The following CRACDL variants were observed in gnomAD, a reference collection of about 807,000 sequenced individuals.
CRACDL encodes CRACD-like protein.
CRACDL carries 26 observed loss-of-function variants against 70.6 expected under a neutral mutation model. The ratio of observed to expected loss-of-function variants is 0.37; its 90% CI spans 0.27 to 0.51. The LOEUF is 0.51. CRACDL is among the 20% of genes least tolerant of loss of function. The pLI is 0.94. For synonymous variants in CRACDL, 618 were observed against 615.2 expected (o/e 1.00, Z -0.07); for missense variants, 1,283 against 1,376.9 (o/e 0.93, Z 1.08).
At chr2:98,843,252 T>G (rs1032950075) in intron 2 of CRACDL, among the ~76,000 whole-genome samples, 5 of 152,216 alleles carry the variant, frequency 3.3e-5, no homozygotes, top group Non-Finnish European at 7.3e-5. Flanking sequence ...GTTATTTGTT[T>G]TCTTATTTTT....
At chr2:98,831,846 C>T (rs1354150988) in intron 5 of CRACDL, among the ~76,000 whole-genome samples, 1 of 152,132 alleles carries the variant, frequency 6.6e-6, no homozygotes. Flanking sequence ...TGCTTGTCAA[C>T]CTTTCCCTGC....
At chr2:98,916,336 G>A (rs1221088934) in intron 1 of CRACDL, among the ~76,000 whole-genome samples, 2 of 152,180 alleles carry the variant, frequency 1.3e-5, no homozygotes, top group Non-Finnish European at 2.9e-5. Context: ...GCCCTACAGG[G>A]GATCTGGGGA....
chr2:98,825,388 G>A (rs1705259409), intron 6 of CRACDL, among the ~76,000 whole-genome samples: 1 of 152,158 alleles, frequency 6.6e-6, no homozygotes, highest in African/African-American at 2.4e-5. Context: ...TCTACAAAGT[G>A]GGATTCAAGA....
At chr2:98,806,296 A>T (rs1704289331) in intron 7 of CRACDL, among the ~76,000 whole-genome samples, 1 of 152,268 alleles carries the variant, frequency 6.6e-6, no homozygotes, top group Admixed American at 6.5e-5. Context: ...AAGAAAAAAC[A>T]ATCGTTGAGT....
intron 9 of CRACDL, among the ~76,000 whole-genome samples, chr2:98,795,078 T>TATATATATA (rs1461039601): frequency 1.6e-4 from 3 of 18,264 alleles, no homozygotes; most frequent in Non-Finnish European, 1.7e-4. Flanking sequence ...TATATATATA[T>TATATATATA]TTTTTTTTTT....
intron 5 of CRACDL, among the ~76,000 whole-genome samples, chr2:98,828,050 G>A (rs1395274111): frequency 6.6e-6 from 1 of 152,200 alleles, no homozygotes; most frequent in Admixed American, 6.5e-5. Context: ...ACTTCAGCAC[G>A]GAAGAACTGA....
chr2:98,821,951 C>G lies in CRACDL; in HGVS notation c.2322G>C (p.Pro774=). The G allele has an allele frequency of 6.4e-7, 1 of 1,552,464 alleles. No homozygotes were observed. Among genetic ancestry groups the G allele is most frequent in the Non-Finnish European group, 8.7e-7 (1 of 1,151,716 alleles). ...CGGCGTCGGGGGGCGCGGGCTGGTG[C>G]GGGAGCGTGAAGCTCTGCAGAAGCG... ...RKPLLQSFTL[P]HQPAPPDAGP... Residue 774 remains proline, a synonymous_variant, in exon 7 of 10, where the codon CCG becomes CCC. Coordinates refer to ENST00000397899, the MANE Select transcript of CRACDL (RefSeq NM_207362.3).
At chr2:98,803,593 C>T (rs1704171567) in intron 7 of CRACDL, among the ~76,000 whole-genome samples, 1 of 152,170 alleles carries the variant, frequency 6.6e-6, no homozygotes, top group Non-Finnish European at 1.5e-5. Flanking sequence ...GCTGTGTGAA[C>T]ACTTCATACT....
At chr2:98,916,693 AT>A (rs1322250616) in intron 1 of CRACDL, among the ~76,000 whole-genome samples, 5 of 151,568 alleles carry the variant, frequency 3.3e-5, no homozygotes, top group African/African-American at 4.9e-5. Flanking sequence ...ATTATCCTGA[AT>A]TTTTTTTCTT....
intron 4 of CRACDL, 82 bp downstream of exon 4, chr2:98,832,780 T>C (rs1317215035): frequency 6.4e-7 from 1 of 1,559,798 alleles, no homozygotes; most frequent in Non-Finnish European, 8.8e-7. Flanking sequence ...GCATATCAAA[T>C]AAACCAAGCA....
At chr2:98,889,319 GAAAGA>G (rs1210284837) in intron 1 of CRACDL, among the ~76,000 whole-genome samples, 2 of 83,348 alleles carry the variant, frequency 2.4e-5, no homozygotes, top group Admixed American at 2.4e-4. Context: ...AAGAAAGAAA[GAAAGA>G]AAGAAAGAAA....
At chr2:98,832,838 C>A in intron 4 of CRACDL, 24 bp downstream of exon 4, 4 of 1,612,772 alleles carry the variant, frequency 2.5e-6, no homozygotes, top group Middle Eastern at 1.7e-4. Flanking sequence ...GCACACCAGG[C>A]GACATGACCA....
chr2:98,822,014 G>C lies in CRACDL; in HGVS notation c.2259C>G (p.Pro753=), dbSNP rs776553703. The stretch of plus-strand genomic sequence containing the variant: ...GGGGCGGCTTGGAGCTGAGCGGCTC[G>C]GGGGGCCGGGCCTTCCCCTTTCCTT... ...SDQGKGKARP[P]EPLSSKPPLP... The change falls in exon 7 of 10, where the codon CCC becomes CCG. Residue 753 remains proline (P), a synonymous_variant. Coordinates refer to ENST00000397899, the MANE Select transcript of CRACDL (RefSeq NM_207362.3). The surrounding 1 kb of genome is among the most constrained non-coding windows in gnomAD (Gnocchi z 4.9). 1.3e-6 allele frequency: 2 copies of C among 1,536,556 alleles called. No individual in the cohort carries two copies. Among genetic ancestry groups the C allele is most frequent in the Non-Finnish European group, 1.8e-6 (2 of 1,140,984 alleles).
chr2:98,921,186 A>C (rs1466506917), intron 1 of CRACDL, among the ~76,000 whole-genome samples: 3 of 152,118 alleles, frequency 2.0e-5, no homozygotes, highest in Non-Finnish European at 4.4e-5. Context: ...TGCTCAGGCA[A>C]AGGCTAAGTT....
At chr2:98,841,207 GT>G (rs1263843250) in intron 2 of CRACDL, among the ~76,000 whole-genome samples, 1 of 151,926 alleles carries the variant, frequency 6.6e-6, no homozygotes, top group Non-Finnish European at 1.5e-5. Context: ...TATATTTAGA[GT>G]TTTGGTATCT....
chr2:98,834,549 AT>A (rs1275085509), intron 3 of CRACDL, among the ~76,000 whole-genome samples: 2 of 152,232 alleles, frequency 1.3e-5, no homozygotes, highest in East Asian at 3.8e-4. Context: ...TGTTTCTTAT[AT>A]TTTAAAAAAA....
At chr2:98,875,146 C>T (rs1280195803) in intron 1 of CRACDL, among the ~76,000 whole-genome samples, 3 of 152,212 alleles carry the variant, frequency 2.0e-5, no homozygotes, top group African/African-American at 7.2e-5. Flanking sequence ...TCTGTACAAC[C>T]GCCTAAGTTA....
At chr2:98,838,604 C>G (rs1705895559) in intron 2 of CRACDL, among the ~76,000 whole-genome samples, 2 of 152,138 alleles carry the variant, frequency 1.3e-5, no homozygotes, top group Non-Finnish European at 2.9e-5. Flanking sequence ...ATATTTGAGG[C>G]TGCAGTGAGC....
intron 1 of CRACDL, among the ~76,000 whole-genome samples, chr2:98,871,801 C>G (rs558630138): frequency 1.3e-5 from 2 of 152,282 alleles, no homozygotes; most frequent in East Asian, 3.9e-4. Context: ...CACTAGAAAT[C>G]ATGATACAGG....
Sources: allele counts gnomAD v4.1 joint callset (sites outside exome capture counted in the v4.1 genomes callset), GRCh38; gene constraint gnomAD v4.1.1; non-coding constraint Gnocchi (gnomAD v3.1); transcripts MANE v1.5; gene names NCBI Gene and HGNC (gene_info 2026-07-23, HGNC 2026-07-21).